The following RUNX1 variants were observed in gnomAD, a reference collection of about 807,000 sequenced individuals.
RUNX1 encodes the protein RUNX family transcription factor 1, also known as runt-related transcription factor 1.
RUNX1 carries 19 observed loss-of-function variants against 42.8 expected under a neutral mutation model. The ratio of observed to expected loss-of-function variants is 0.44; its 90% confidence interval spans 0.31 to 0.65. The LOEUF (loss-of-function observed/expected upper bound fraction) is 0.65, where lower values mean the gene tolerates loss of function less well. Ranked by LOEUF, RUNX1 falls within the 30% of genes least tolerant of loss-of-function variation. The pLI is 0.07. For synonymous variants in RUNX1, 271 were observed against 289.4 expected, an observed-to-expected ratio of 0.94 and a Z score of 0.64; for missense variants, 528 against 672.0, an observed-to-expected ratio of 0.79 and a Z score of 2.37.
intron 4 of RUNX1, among the ~76,000 whole-genome samples, chr21:34,886,039 A>C (rs2057980457): frequency 6.6e-6 from 1 of 152,138 alleles, no homozygotes; most frequent in Non-Finnish European, 1.5e-5. Context: ...GTGAAGGGAG[A>C]TCTTTGGAGC....
intron 2 of RUNX1, among the ~76,000 whole-genome samples, chr21:35,030,846 A>C (rs2059267725): frequency 6.6e-6 from 1 of 152,228 alleles, no homozygotes; most frequent in Non-Finnish European, 1.5e-5. Flanking sequence ...ATTAATTTCC[A>C]AACTACATAA....
chr21:34,789,942 C>A lies in RUNX1; in HGVS notation c.*2193G>T, dbSNP rs1346172631. On this transcript the variant is annotated 3_prime_UTR_variant, in exon 9 of 9. Coordinates refer to ENST00000675419, the MANE Select transcript of RUNX1 (RefSeq NM_001754.5). ...CATGGTAACATGTGCTGAAAAAAAA[C>A]ATTTACGTTTAATTTGGGGGAAATG... is the stretch of plus-strand genomic sequence containing the variant. 3 of 229,944 alleles carry A rather than the reference C, an allele frequency of 1.3e-5. No homozygotes were observed. Among genetic ancestry groups the A allele is most frequent in the Non-Finnish European group, 2.5e-5 (3 of 117,782 alleles). The allele number at this position is 229,944 out of a possible 1,614,324, so 14.2% of individuals were successfully genotyped here. A position where few individuals can be genotyped will look rare whatever the true frequency, so the allele number is the denominator to read the frequency against.
chr21:34,914,208 A>G (rs1394237485), intron 2 of RUNX1, among the ~76,000 whole-genome samples: 1 of 152,212 alleles, frequency 6.6e-6, no homozygotes, highest in Non-Finnish European at 1.5e-5. Flanking sequence ...TCTGTAGCTG[A>G]GTTTGCAAGA....
intron 6 of RUNX1, among the ~76,000 whole-genome samples, chr21:34,853,937 T>C (rs2057460840): frequency 6.6e-6 from 1 of 151,874 alleles, no homozygotes; most frequent in Non-Finnish European, 1.5e-5. Flanking sequence ...CTCAGCCTCC[T>C]GAGGAGCTGG....
intron 3 of RUNX1, 150 bp from the exon 4 acceptor site, chr21:34,887,246 G>T (rs2058010148): frequency 1.2e-5 from 8 of 680,562 alleles, no homozygotes; most frequent in Non-Finnish European, 1.7e-5. Flanking sequence ...GGGGGGTGGG[G>T]GGGGGCGGGG....
rs1190965389 is a variant in RUNX1, at chr21:34,791,655, G to A, written c.*480C>T. On this transcript the variant is annotated 3_prime_UTR_variant, in exon 9 of 9. Coordinates refer to ENST00000675419, the MANE Select transcript of RUNX1 (RefSeq NM_001754.5). Reference sequence around the variant, plus strand: ...TAAGGTGCGGAAAAATTAAAAATAAGAATTAGATGCCAAACAGGGCGAGTT... The same window carrying A: ...TAAGGTGCGGAAAAATTAAAAATAAAAATTAGATGCCAAACAGGGCGAGTT... 4.3e-6 allele frequency: 1 copy of A among 231,010 alleles called. No homozygotes were observed. The highest frequency in any genetic ancestry group is 8.6e-6 in the Non-Finnish European group (1 of 116,504). The allele number at this position is 231,010 out of a possible 1,614,324, so 14.3% of individuals were successfully genotyped here.
intron 2 of RUNX1, among the ~76,000 whole-genome samples, chr21:34,900,652 T>A (rs1388819057): frequency 1.3e-5 from 2 of 152,204 alleles, no homozygotes; most frequent in African/African-American, 2.4e-5. Flanking sequence ...CACAAGTTAA[T>A]CTCACACATT....
intron 2 of RUNX1, among the ~76,000 whole-genome samples, chr21:35,046,600 T>C (rs2059397839): frequency 6.6e-6 from 1 of 152,180 alleles, no homozygotes; most frequent in African/African-American, 2.4e-5. Flanking sequence ...CATCAAGCTC[T>C]AAGATGATGA....
At chr21:34,934,428 C>A (rs1007438987) in intron 2 of RUNX1, among the ~76,000 whole-genome samples, 3 of 152,008 alleles carry the variant, frequency 2.0e-5, no homozygotes, top group Admixed American at 6.5e-5. Context: ...GGCTTACCAC[C>A]CAAAGGAAGT....
chr21:35,011,299 T>C (rs992358637), intron 2 of RUNX1, among the ~76,000 whole-genome samples: 3 of 152,182 alleles, frequency 2.0e-5, no homozygotes, highest in Non-Finnish European at 4.4e-5. Context: ...CCCAAGCCCA[T>C]GACACACATG....
At chr21:34,809,255 G>A (rs2056725801) in intron 7 of RUNX1, among the ~76,000 whole-genome samples, 1 of 151,880 alleles carries the variant, frequency 6.6e-6, no homozygotes, top group Non-Finnish European at 1.5e-5. Flanking sequence ...TTCTCCAGGA[G>A]GGTAAAGACA....
At chr21:34,985,675 T>C (rs1050959775) in intron 2 of RUNX1, among the ~76,000 whole-genome samples, 3 of 152,162 alleles carry the variant, frequency 2.0e-5, no homozygotes, top group African/African-American at 7.2e-5. Flanking sequence ...TGGCTTCCTT[T>C]CTCACAGACA....
chr21:34,854,997 A>G (rs1412591541), intron 6 of RUNX1, among the ~76,000 whole-genome samples: 1 of 152,208 alleles, frequency 6.6e-6, no homozygotes, highest in East Asian at 1.9e-4. Flanking sequence ...CAAGAGCTCA[A>G]GCAGAACACA....
chr21:34,834,277 TG>T (rs1174566905), intron 7 of RUNX1, 132 bp downstream of exon 7: 1 of 914,300 alleles, frequency 1.1e-6, no homozygotes, highest in South Asian at 1.3e-5. Context: ...GTGGTGCTGT[TG>T]GTTCGAGGCC....
chr21:34,865,279 C>CGTGT (rs61238560), intron 5 of RUNX1, among the ~76,000 whole-genome samples: 4,643 of 132,392 alleles, frequency 0.035, 106 homozygotes, highest in East Asian at 0.062. Context: ...GGGTTTTGTG[C>CGTGT]GTGTGTGTGT....
At position 35,016,967 on chromosome 21, in the gene RUNX1, G is replaced by A. The variant is rs181582563; in HGVS notation, c.58+31875C>T. ...CAGGCAGAGAAGCTCATAAAGTGCA[G>A]AGTAAGGGCCCAAAGAGCAGTAATG... On this transcript the variant is annotated intron_variant, in intron 2 of 8. Transcript: ENST00000675419. Among the ~76,000 whole-genome samples, 11 of 151,752 alleles carry A rather than the reference G, an allele frequency of 7.2e-5. No individual in the cohort carries two copies. The East Asian group carries it at 2.1e-3, about 29-fold the overall frequency.
At chr21:35,000,478 G>C (rs1458654925) in intron 2 of RUNX1, among the ~76,000 whole-genome samples, 1 of 152,006 alleles carries the variant, frequency 6.6e-6, no homozygotes, top group African/African-American at 2.4e-5. Context: ...CTGACCTCGT[G>C]ATCTGCCCAC....
chr21:34,829,732 G>A (rs981357654), intron 7 of RUNX1: 4 of 152,122 alleles, frequency 2.6e-5, no homozygotes, highest in Non-Finnish European at 5.9e-5. Context: ...CCACTTTCAA[G>A]GTAATCAAAT....
intron 2 of RUNX1, among the ~76,000 whole-genome samples, chr21:34,934,847 A>G (rs1218437245): frequency 6.6e-6 from 1 of 152,150 alleles, no homozygotes; most frequent in Non-Finnish European, 1.5e-5. Flanking sequence ...AACAATTGGC[A>G]GATGATCCAG....
Sources: allele counts gnomAD v4.1 joint callset (sites outside exome capture counted in the v4.1 genomes callset), GRCh38; gene constraint gnomAD v4.1.1; transcripts MANE v1.5; gene names NCBI Gene and HGNC (gene_info 2026-07-23, HGNC 2026-07-21).